ADAMTS9: variants seen among roughly 807,000 people sequenced by gnomAD.
ADAMTS9 encodes A disintegrin and metalloproteinase with thrombospondin motifs 9.
A neutral mutation model predicts 257.1 loss-of-function variants in ADAMTS9; 107 were observed. The ratio of observed to expected loss-of-function variants is 0.42; its 90% confidence interval spans 0.36 to 0.49. The LOEUF (loss-of-function observed/expected upper bound fraction) is 0.49. Among genes scored for constraint, ADAMTS9 ranks in the 20% least tolerant of loss-of-function variants. The pLI is 0.03. For missense variants in ADAMTS9, 2,353 were observed against 2,469.1 expected, an observed-to-expected ratio of 0.95 and a Z score of 1.00; for synonymous variants, 982 against 880.9, an observed-to-expected ratio of 1.11 and a Z score of -2.03.
At chr3:64,638,616 C>T (rs914691217) in intron 12 of ADAMTS9, among the ~76,000 whole-genome samples, 1 of 152,092 alleles carries the variant, frequency 6.6e-6, no homozygotes, top group East Asian at 1.9e-4. Context: ...AAATAAAGCA[C>T]TTAAAGACAA....
intron 11 of ADAMTS9, among the ~76,000 whole-genome samples, chr3:64,643,944 G>A (rs960920066): frequency 1.3e-5 from 2 of 152,214 alleles, no homozygotes; most frequent in Non-Finnish European, 2.9e-5. Context: ...AAATACAACA[G>A]GTCTCACTGG....
chr3:64,611,828 C>T (rs2084670298), intron 22 of ADAMTS9, among the ~76,000 whole-genome samples: 1 of 152,126 alleles, frequency 6.6e-6, no homozygotes, highest in South Asian at 2.1e-4. Flanking sequence ...GGACCCCTGG[C>T]TTAATGTATA....
intron 38 of ADAMTS9, among the ~76,000 whole-genome samples, chr3:64,526,089 C>T (rs1030057608): frequency 6.9e-6 from 1 of 144,662 alleles, no homozygotes; most frequent in African/African-American, 2.5e-5. Flanking sequence ...TAAAATAATA[C>T]AATATATAGT....
At chr3:64,659,628 TC>T (rs375752715) in intron 3 of ADAMTS9, among the ~76,000 whole-genome samples, 182 of 152,288 alleles carry the variant, frequency 1.2e-3, no homozygotes, top group African/African-American at 4.3e-3. Context: ...CATTATTAGA[TC>T]ATTTCAATAC....
At position 64,658,305 on chromosome 3, in the gene ADAMTS9, A is replaced by G. The variant is rs576220260; in HGVS notation, c.969+197T>C. Reference sequence around the variant, plus strand: ...GTAAGAAGCACATTGTCTAACACAGAATAAACACTCCGTATTGATAACCAC... The same window carrying G: ...GTAAGAAGCACATTGTCTAACACAGGATAAACACTCCGTATTGATAACCAC... On this transcript the variant is annotated intron_variant, in intron 4 of 39. Transcript: ENST00000498707. Among the ~76,000 whole-genome samples, 5 of 152,364 alleles carry G rather than the reference A, an allele frequency of 3.3e-5. No individual in the cohort carries two copies. In the South Asian group the frequency reaches 1.0e-3, roughly 32 times the overall value.
chr3:64,616,553 T>C (rs1364132632), intron 19 of ADAMTS9, among the ~76,000 whole-genome samples: 1 of 152,166 alleles, frequency 6.6e-6, no homozygotes, highest in African/African-American at 2.4e-5. Flanking sequence ...TTTTATACAA[T>C]TCAATTATAC....
At chr3:64,554,630 A>G (rs981325322) in intron 30 of ADAMTS9, among the ~76,000 whole-genome samples, 5 of 152,246 alleles carry the variant, frequency 3.3e-5, no homozygotes, top group African/African-American at 1.2e-4. Context: ...CTCTAATTTC[A>G]GTATGGCTTT....
chr3:64,541,437 T>A, intron 34 of ADAMTS9, 23 bp from the exon 35 acceptor site: 1 of 1,612,900 alleles, frequency 6.2e-7, no homozygotes, highest in East Asian at 2.2e-5. Flanking sequence ...AAATAACCCA[T>A]GAAGAGTGGC....
At chr3:64,555,916 G>T (rs1324339511) in intron 30 of ADAMTS9, among the ~76,000 whole-genome samples, 1 of 152,094 alleles carries the variant, frequency 6.6e-6, no homozygotes, top group Non-Finnish European at 1.5e-5. Context: ...CTAATGCCTG[G>T]AACTTCACAA....
chr3:64,521,179 A>G (rs187927587), intron 39 of ADAMTS9, among the ~76,000 whole-genome samples: 69 of 152,358 alleles, frequency 4.5e-4, no homozygotes, highest in Non-Finnish European at 8.8e-5. Flanking sequence ...ACAAGCAGCC[A>G]ACAAATATAA....
At chr3:64,614,989 T>C (rs2084734755) in intron 21 of ADAMTS9, 1 of 210,240 alleles carries the variant, frequency 4.8e-6, no homozygotes, top group Non-Finnish European at 9.3e-6. Context: ...TATAGCTTTA[T>C]GATTAATAAA....
At position 64,616,176 on chromosome 3, in the gene ADAMTS9, C is replaced by CA; in HGVS notation, c.2814-7dup. ...TCCTGCTGGCAACATGCCACCTATG[C>CA]AAAAATAATGGGGCAAAACCAACAT... On this transcript the variant is annotated splice_region_variant and splice_polypyrimidine_tract_variant and intron_variant, in intron 19 of 39. Coordinates refer to ENST00000498707, the MANE Select transcript of ADAMTS9 (RefSeq NM_182920.2). 6.2e-7 allele frequency: 1 copy of CA among 1,613,858 alleles called. No homozygotes were observed. Among genetic ancestry groups the CA allele is most frequent in the African/African-American group, 1.3e-5 (1 of 75,010 alleles).
chr3:64,631,296 G>A (rs931486044), intron 16 of ADAMTS9, among the ~76,000 whole-genome samples, 159 bp downstream of exon 16: 3 of 152,202 alleles, frequency 2.0e-5, no homozygotes, highest in African/African-American at 7.2e-5. Context: ...GCGTATGTAT[G>A]AGGGAGAAAT....
intron 22 of ADAMTS9, among the ~76,000 whole-genome samples, chr3:64,608,741 A>G (rs1576112762): frequency 1.4e-5 from 2 of 141,342 alleles, no homozygotes; most frequent in East Asian, 4.5e-4. Context: ...ATGCTTTCAG[A>G]AAAAAAAAAA....
intron 29 of ADAMTS9, among the ~76,000 whole-genome samples, chr3:64,563,802 G>T (rs1025905032): frequency 1.3e-5 from 2 of 152,232 alleles, no homozygotes. Flanking sequence ...TCACAGCAAG[G>T]TACAAGCCTG....
chr3:64,658,318 T>C (rs1701136421), intron 4 of ADAMTS9, among the ~76,000 whole-genome samples, 184 bp downstream of exon 4: 1 of 152,230 alleles, frequency 6.6e-6, no homozygotes, highest in Admixed American at 6.5e-5. Context: ...AAACACTCCG[T>C]ATTGATAACC....
At position 64,606,912 on chromosome 3, in the gene ADAMTS9, T is replaced by C. The variant is rs369836131; in HGVS notation, c.3474+48A>G. The C allele has an allele frequency of 6.8e-6, 11 of 1,608,918 alleles. No individual in the cohort carries two copies. The African/African-American group carries it at 9.3e-5, about 14-fold the overall frequency. On this transcript the variant is annotated intron_variant, in intron 23 of 39. Transcript: ENST00000498707. ...TTGTCTAAACAGCTGGGCAGTTTGG[T>C]ACCTTGGTCCCCAAAGTCAATAACT...
intron 21 of ADAMTS9, among the ~76,000 whole-genome samples, chr3:64,614,484 G>A (rs141517880): frequency 6.6e-6 from 1 of 152,184 alleles, no homozygotes; most frequent in Non-Finnish European, 1.5e-5. Context: ...ATAAGGATGG[G>A]ATAAGAGCAT....
At chr3:64,539,875 A>G (rs2106908073) in intron 36 of ADAMTS9, among the ~76,000 whole-genome samples, 1 of 152,378 alleles carries the variant, frequency 6.6e-6, no homozygotes, top group East Asian at 1.9e-4. Flanking sequence ...TTAAAGAGCC[A>G]ATAAATACAA....
Sources: gnomAD v4.1 joint callset for allele counts (sites outside exome capture counted in the v4.1 genomes callset) on GRCh38, gnomAD v4.1.1 for gene constraint, MANE v1.5 for transcripts, NCBI Gene and HGNC (gene_info 2026-07-23, HGNC 2026-07-21) for gene names.